USP24: variants seen among roughly 807,000 people sequenced by gnomAD.
USP24 encodes ubiquitin carboxyl-terminal hydrolase 24.
A neutral mutation model predicts 361.6 loss-of-function variants in USP24; 97 were observed. The ratio of observed to expected loss-of-function variants is 0.27; its 90% CI spans 0.23 to 0.32. The LOEUF (loss-of-function observed/expected upper bound fraction) is 0.32, where lower values mean the gene tolerates loss of function less well. USP24 is among the 10% of genes least tolerant of loss of function. The probability of loss-of-function intolerance (pLI) is 1.00; values close to 1 mark genes in which losing one functional copy is unlikely to be tolerated. For missense variants in USP24, 2,353 were observed against 3,165.6 expected (o/e 0.74, Z 6.16); for synonymous variants, 1,098 against 1,124.6 (o/e 0.98, Z 0.47).
chr1:55,176,532 G>T, intron 2 of USP24, 89 bp from the exon 3 acceptor site: 1 of 1,228,550 alleles, frequency 8.1e-7, no homozygotes, highest in Non-Finnish European at 1.2e-6. Context: ...ACGTTATTTA[G>T]GTCTTTGGTA....
chr1:55,072,212 T>C lies in USP24; in HGVS notation c.7689+105A>G, dbSNP rs982773765. ...CAATTGTTTCTTCTGCTTGTTCTCATCTTCAACTCATACCTCTCTTCTCAG... is the reference window on the plus strand; with the variant it reads ...CAATTGTTTCTTCTGCTTGTTCTCACCTTCAACTCATACCTCTCTTCTCAG... On this transcript the variant is annotated intron_variant, in intron 66 of 67. Coordinates refer to ENST00000294383, the MANE Select transcript of USP24 (RefSeq NM_015306.3). 9.1e-6 allele frequency: 8 copies of C among 883,100 alleles called. No homozygotes were observed. The East Asian group carries it at 2.1e-4, about 23-fold the overall frequency. The allele number at this position is 883,100 out of a possible 1,614,324, so 54.7% of individuals were successfully genotyped here.
chr1:55,132,988 A>G (rs1257097461), intron 30 of USP24, among the ~76,000 whole-genome samples: 1 of 152,212 alleles, frequency 6.6e-6, no homozygotes, highest in East Asian at 1.9e-4. Context: ...TTCTGTGTTT[A>G]AAATTTGTAT....
At chr1:55,117,591 G>A (rs530673692) in intron 38 of USP24, among the ~76,000 whole-genome samples, 30 of 151,760 alleles carry the variant, frequency 2.0e-4, no homozygotes, top group East Asian at 1.9e-4. Flanking sequence ...AGCCGGGCGC[G>A]GTGGCGGGCG....
At chr1:55,074,459 G>C (rs1644983346) in intron 63 of USP24, among the ~76,000 whole-genome samples, 1 of 151,908 alleles carries the variant, frequency 6.6e-6, no homozygotes, top group Non-Finnish European at 1.5e-5. Context: ...CATGATGAAA[G>C]TCTGTCTCTA....
At chr1:55,206,827 A>T (rs1644720037) in intron 1 of USP24, among the ~76,000 whole-genome samples, 1 of 152,138 alleles carries the variant, frequency 6.6e-6, no homozygotes, top group Non-Finnish European at 1.5e-5. Context: ...GTTGCTATTC[A>T]CAGAGTACCT....
At chr1:55,115,768 A>C (rs1646095626) in intron 38 of USP24, among the ~76,000 whole-genome samples, 1 of 152,228 alleles carries the variant, frequency 6.6e-6, no homozygotes, top group South Asian at 2.1e-4. Flanking sequence ...GAACCAACCC[A>C]AATGCCCATC....
At chr1:55,077,400 C>T (rs1281674077) in intron 61 of USP24, 100 bp from the exon 62 acceptor site, 4 of 1,040,240 alleles carry the variant, frequency 3.8e-6, no homozygotes, top group Admixed American at 2.5e-5. Flanking sequence ...ACCTTCTGGC[C>T]GACCCTGGAC....
chr1:55,079,932 A>C lies in USP24; in HGVS notation c.7079-273T>G, dbSNP rs550309336. ...ACACAGAGTACTCGCACACACACTG[A>C]GTACTCACAAACACACTGAGTACTC... On this transcript the variant is annotated intron_variant, in intron 59 of 67. Coordinates refer to ENST00000294383, the MANE Select transcript of USP24 (RefSeq NM_015306.3). Among the ~76,000 whole-genome samples, 22 of 152,238 alleles carry C rather than the reference A, an allele frequency of 1.4e-4. No individual in the cohort carries two copies. The East Asian group carries it at 4.2e-3, about 29-fold the overall frequency.
At chr1:55,116,571 G>A (rs968163720) in intron 38 of USP24, among the ~76,000 whole-genome samples, 2 of 151,146 alleles carry the variant, frequency 1.3e-5, no homozygotes, top group African/African-American at 4.9e-5. Context: ...AGATGAAGTA[G>A]ACAAATTCCT....
rs76942904 is a variant in USP24 at position 55,077,118 on chromosome 1, A to G, written c.7380+117T>C. On this transcript the variant is annotated intron_variant, in intron 62 of 67. Transcript: ENST00000294383. ...TGACTGACACGAAGATTTGGTCTCA[A>G]TAAATGCAGACCAAATGAATGGAGA... 7.5e-4 allele frequency: 783 copies of G among 1,038,846 alleles called. 4 individuals are homozygous for G. The African/African-American group carries it at 0.012, about 15-fold the overall frequency. The allele number at this position is 1,038,846 out of a possible 1,614,324, so 64.4% of individuals were successfully genotyped here.
At chr1:55,088,487 G>A (rs896520527) in intron 55 of USP24, among the ~76,000 whole-genome samples, 5 of 152,226 alleles carry the variant, frequency 3.3e-5, no homozygotes, top group African/African-American at 1.2e-4. Flanking sequence ...GTGTGCACAT[G>A]TAGAGAGATT....
chr1:55,081,527 A>G, intron 58 of USP24, 103 bp from the exon 59 acceptor site: 1 of 1,110,544 alleles, frequency 9.0e-7, no homozygotes, highest in South Asian at 1.3e-5. Flanking sequence ...GGCTTTAATT[A>G]TTTCTCAGTG....
chr1:55,093,211 G>C (rs2100476883), intron 52 of USP24, among the ~76,000 whole-genome samples: 2 of 152,278 alleles, frequency 1.3e-5, no homozygotes, highest in South Asian at 4.1e-4. Context: ...AGGTAGAAGG[G>C]GATAAACAGA....
At chr1:55,090,755 T>A (rs1165285) in intron 54 of USP24, among the ~76,000 whole-genome samples, 78,929 of 152,138 alleles carry the variant, frequency 0.52, 23,107 homozygotes, top group East Asian at 0.78. Flanking sequence ...CCAGAACCTA[T>A]AATGTGCAGG....
intron 20 of USP24, among the ~76,000 whole-genome samples, chr1:55,145,089 G>T (rs550778077): frequency 6.6e-6 from 1 of 152,128 alleles, no homozygotes; most frequent in Admixed American, 6.5e-5. Flanking sequence ...ACGAAATAGC[G>T]TGGCACTTTG....
At chr1:55,122,034 G>C (rs1646297449) in intron 36 of USP24, among the ~76,000 whole-genome samples, 1 of 152,112 alleles carries the variant, frequency 6.6e-6, no homozygotes, top group South Asian at 2.1e-4. Flanking sequence ...ACAGTGTTTG[G>C]GGGCTGGAGA....
rs772476534 is a variant in USP24 at position 55,154,231 on chromosome 1, C to T, written c.1700G>A (p.Ser567Asn). 7 of 1,613,234 alleles carry T rather than the reference C, an allele frequency of 4.3e-6. No individual in the cohort carries two copies. The highest frequency in any genetic ancestry group is 5.9e-6 in the Non-Finnish European group (7 of 1,179,610). ...ELAHLPTLPS[S>N]LIQQALEEHL... ...CTCCTCCAAGGCCTGCTGAATAAGG[C>T]TACTGGGCAGGGTTGGAAGGTGAGC... The change falls in exon 15 of 68, where the codon AGC becomes AAC. Residue 567 changes from serine (S) to asparagine (N), a missense_variant. Ser to Asn is a conservative substitution (Grantham distance 46, BLOSUM62 1). Coordinates refer to ENST00000294383, the MANE Select transcript of USP24 (RefSeq NM_015306.3).
At chr1:55,154,348 A>G in intron 14 of USP24, 23 bp downstream of exon 14, 1 of 1,556,122 alleles carries the variant, frequency 6.4e-7, no homozygotes, top group South Asian at 1.2e-5. Flanking sequence ...TTGTAGCTAG[A>G]AAAATCCATT....
chr1:55,118,885 C>T (rs1444627834), intron 38 of USP24, among the ~76,000 whole-genome samples: 4 of 152,142 alleles, frequency 2.6e-5, no homozygotes, highest in Non-Finnish European at 5.9e-5. Context: ...CTATCAAAAA[C>T]AAAACGAAAC....
Sources: gnomAD v4.1 joint callset for allele counts (sites outside exome capture counted in the v4.1 genomes callset) on GRCh38, gnomAD v4.1.1 for gene constraint, MANE v1.5 for transcripts, NCBI Gene and HGNC (gene_info 2026-07-23, HGNC 2026-07-21) for gene names.